Variants in KCNN2 observed in about 807,000 individuals in gnomAD.
The protein encoded by KCNN2 is small conductance calcium-activated potassium channel protein 2.
Under a neutral mutation model 55.5 loss-of-function variants are expected in KCNN2, and 24 were observed. The observed-to-expected ratio is 0.43, with a 90% CI of 0.31 to 0.61. KCNN2 has a LOEUF of 0.61. KCNN2 is among the 20% of genes least tolerant of loss of function. The pLI, the probability that KCNN2 is intolerant of heterozygous loss-of-function variation, is 0.08. For synonymous variants in KCNN2, 431 were observed against 336.1 expected (o/e 1.28, Z -3.09); for missense variants, 754 against 853.6 (o/e 0.88, Z 1.45).
At chr5:114,459,475 A>ATCTG (rs1361130788) in intron 3 of KCNN2, among the ~76,000 whole-genome samples, 3 of 152,224 alleles carry the variant, frequency 2.0e-5, no homozygotes, top group African/African-American at 7.2e-5. Flanking sequence ...AGTGATGTGA[A>ATCTG]TCTGTCATAG....
chr5:114,369,992 A>G (rs1757715822), intron 2 of KCNN2, among the ~76,000 whole-genome samples: 1 of 152,076 alleles, frequency 6.6e-6, no homozygotes, highest in Admixed American at 6.6e-5. Context: ...TTCAGTTAGG[A>G]TAGGAAGTGG....
chr5:114,280,520 G>A (rs1033235679), intron 2 of KCNN2, among the ~76,000 whole-genome samples: 3 of 152,032 alleles, frequency 2.0e-5, no homozygotes, highest in Non-Finnish European at 4.4e-5. Flanking sequence ...TCTACATATG[G>A]CTAGCCAGTT....
At chr5:114,415,319 TTAGG>T (rs1313003062) in intron 3 of KCNN2, among the ~76,000 whole-genome samples, 4 of 152,336 alleles carry the variant, frequency 2.6e-5, no homozygotes, top group African/African-American at 9.6e-5. Flanking sequence ...TTTTCTCCTC[TTAGG>T]TAGCCATCTA....
chr5:114,220,584 C>A (rs959080715), intron 1 of KCNN2, among the ~76,000 whole-genome samples: 2 of 151,952 alleles, frequency 1.3e-5, no homozygotes, highest in Non-Finnish European at 2.9e-5. Context: ...TACAAACAGA[C>A]AAATGAGACT....
At chr5:114,070,642 C>G (rs536686180) in intron 1 of KCNN2, among the ~76,000 whole-genome samples, 2 of 152,164 alleles carry the variant, frequency 1.3e-5, no homozygotes, top group African/African-American at 2.4e-5. Flanking sequence ...TCAGTATTCT[C>G]AGGACTGACA....
intron 1 of KCNN2, among the ~76,000 whole-genome samples, chr5:114,090,843 GC>G (rs376065986): frequency 9.2e-5 from 14 of 151,726 alleles, no homozygotes; most frequent in Middle Eastern, 3.4e-3. Context: ...GAGAATCTCT[GC>G]CCCCCACCCT....
intron 5 of KCNN2, among the ~76,000 whole-genome samples, chr5:114,475,115 A>G (rs775156009): frequency 1.3e-5 from 2 of 152,154 alleles, no homozygotes; most frequent in Non-Finnish European, 2.9e-5. Context: ...TTGAGTACAA[A>G]ATTTACAGTA....
chr5:114,177,455 T>C (rs1753159206), intron 1 of KCNN2, among the ~76,000 whole-genome samples: 1 of 152,038 alleles, frequency 6.6e-6, no homozygotes, highest in Non-Finnish European at 1.5e-5. Context: ...GTTTTGTATG[T>C]ATGTCACACA....
chr5:114,260,332 C>T (rs2150003982), intron 2 of KCNN2, among the ~76,000 whole-genome samples: 1 of 152,322 alleles, frequency 6.6e-6, no homozygotes, highest in East Asian at 1.9e-4. Flanking sequence ...TTGCTTACCT[C>T]TGTGACCTCA....
At chr5:114,461,440 A>C (rs560680159) in intron 3 of KCNN2, among the ~76,000 whole-genome samples, 1 of 152,180 alleles carries the variant, frequency 6.6e-6, no homozygotes, top group Admixed American at 6.5e-5. Context: ...GCCTGTTCAC[A>C]TGCCCTTCCC....
At chr5:114,224,290 A>T (rs1754200409) in intron 2 of KCNN2, among the ~76,000 whole-genome samples, 1 of 152,222 alleles carries the variant, frequency 6.6e-6, no homozygotes, top group South Asian at 2.1e-4. Flanking sequence ...TTATTATTTC[A>T]TCAGAGATAT....
At chr5:114,491,262 G>A (rs1747838795) in intron 6 of KCNN2, among the ~76,000 whole-genome samples, 1 of 152,082 alleles carries the variant, frequency 6.6e-6, no homozygotes, top group Admixed American at 6.6e-5. Context: ...ACTTGCTGGA[G>A]GCATCTGGTC....
At chr5:114,262,634 A>G (rs1755131103) in intron 2 of KCNN2, among the ~76,000 whole-genome samples, 1 of 152,228 alleles carries the variant, frequency 6.6e-6, no homozygotes, top group African/African-American at 2.4e-5. Context: ...GTAATTTTAA[A>G]TTAAATTCTT....
chr5:114,293,848 T>G (rs1755949316), intron 2 of KCNN2, among the ~76,000 whole-genome samples: 1 of 152,210 alleles, frequency 6.6e-6, no homozygotes, highest in Non-Finnish European at 1.5e-5. Flanking sequence ...GGTAAGCTAT[T>G]GATTATTGCC....
chr5:114,145,320 C>A (rs1580554821), intron 1 of KCNN2, among the ~76,000 whole-genome samples: 1 of 152,194 alleles, frequency 6.6e-6, no homozygotes, highest in African/African-American at 2.4e-5. Context: ...TAACACAGTT[C>A]CTTCTGAACT....
intron 1 of KCNN2, among the ~76,000 whole-genome samples, chr5:114,209,418 C>T (rs964601810): frequency 9.2e-5 from 14 of 152,052 alleles, no homozygotes; most frequent in African/African-American, 3.1e-4. Context: ...GGTTTTGGAG[C>T]TTCTTTGAAA....
intron 2 of KCNN2, among the ~76,000 whole-genome samples, chr5:114,293,596 G>C: frequency 6.6e-6 from 1 of 152,198 alleles, no homozygotes; most frequent in African/African-American, 2.4e-5. Flanking sequence ...CAGTTTGCCA[G>C]TATTTTATTG....
intron 2 of KCNN2, among the ~76,000 whole-genome samples, chr5:114,382,422 T>C (rs968026695): frequency 1.3e-5 from 2 of 152,232 alleles, no homozygotes; most frequent in Non-Finnish European, 2.9e-5. Flanking sequence ...TCCTAATTGT[T>C]CGATGTGTAT....
chr5:114,241,875 G>C (rs1404370649), intron 2 of KCNN2, among the ~76,000 whole-genome samples: 1 of 133,410 alleles, frequency 7.5e-6, no homozygotes, highest in Non-Finnish European at 1.6e-5. Context: ...AAATTAGACA[G>C]ATCCCTGGAA....
Sources: allele counts gnomAD v4.1 joint callset (sites outside exome capture counted in the v4.1 genomes callset), GRCh38; gene constraint gnomAD v4.1.1; transcripts MANE v1.5; gene names NCBI Gene and HGNC (gene_info 2026-07-23, HGNC 2026-07-21).